The following LARGE1 variants were observed in gnomAD, a reference collection of about 807,000 sequenced individuals.
The protein encoded by LARGE1 is xylosyl- and glucuronyltransferase LARGE1.
In LARGE1, 43 loss-of-function variants were observed where a neutral mutation model predicts 87.6. That is an observed-to-expected ratio of 0.49 (90% confidence interval 0.38 to 0.63). The LOEUF (loss-of-function observed/expected upper bound fraction) is 0.63. Among genes scored for constraint, LARGE1 ranks in the 30% least tolerant of loss-of-function variants. The pLI, the probability that LARGE1 is intolerant of heterozygous loss-of-function variation, is 0.00. For missense variants in LARGE1, 802 were observed against 1,000.2 expected (o/e 0.80, Z 2.67); for synonymous variants, 434 against 394.6 (o/e 1.10, Z -1.18).
At chr22:33,316,058 T>G in intron 11 of LARGE1, 27 bp downstream of exon 11, 1 of 1,612,098 alleles carries the variant, frequency 6.2e-7, no homozygotes, top group Non-Finnish European at 8.5e-7. Context: ...GTGAGGAGAC[T>G]GGGGTGGGTG....
intron 1 of LARGE1, among the ~76,000 whole-genome samples, chr22:33,855,329 G>A (rs950699556): frequency 3.9e-5 from 6 of 152,122 alleles, no homozygotes; most frequent in Admixed American, 6.5e-5. Flanking sequence ...GCGGGACCCC[G>A]TCTCAAAAAA....
intron 2 of LARGE1, among the ~76,000 whole-genome samples, chr22:33,749,843 C>T (rs920457243): frequency 1.3e-5 from 2 of 152,116 alleles, no homozygotes; most frequent in African/African-American, 4.8e-5. Context: ...TTGAGCATAT[C>T]GACTTTGAAA....
intron 1 of LARGE1, among the ~76,000 whole-genome samples, chr22:33,882,034 TG>T (rs199938418): frequency 1.5e-5 from 2 of 136,760 alleles, no homozygotes; most frequent in Non-Finnish European, 1.5e-5. Context: ...TTTTTGTTTT[TG>T]TTTTTTTTTG....
intron 4 of LARGE1, among the ~76,000 whole-genome samples, chr22:33,616,720 CTAAA>C (rs2149035519): frequency 6.6e-6 from 1 of 152,230 alleles, no homozygotes; most frequent in South Asian, 2.1e-4. Flanking sequence ...GTCCAAAAGA[CTAAA>C]TACTGTATGA....
At chr22:33,773,704 G>A (rs1166787275) in intron 1 of LARGE1, among the ~76,000 whole-genome samples, 4 of 152,244 alleles carry the variant, frequency 2.6e-5, no homozygotes, top group Non-Finnish European at 5.9e-5. Context: ...GATACAAGCT[G>A]CAGGAGCCTG....
At chr22:33,681,421 T>C (rs1458496618) in intron 2 of LARGE1, among the ~76,000 whole-genome samples, 7 of 152,300 alleles carry the variant, frequency 4.6e-5, no homozygotes, top group Non-Finnish European at 1.0e-4. Context: ...CCTGTATCCT[T>C]AGGTTCATGA....
intron 2 of LARGE1, among the ~76,000 whole-genome samples, chr22:33,697,303 C>T (rs1462881270): frequency 6.6e-6 from 1 of 152,112 alleles, no homozygotes; most frequent in African/African-American, 2.4e-5. Flanking sequence ...AGGGAGCAGC[C>T]ACCCCATGGC....
chr22:33,725,906 AT>A (rs1168179256), intron 2 of LARGE1: 3 of 152,166 alleles, frequency 2.0e-5, no homozygotes, highest in Non-Finnish European at 2.9e-5. Context: ...CCGCGGAGAC[AT>A]TTGGCAATGT....
At chr22:33,100,005 C>G in the LARGE1 span, among the ~76,000 whole-genome samples, 1 of 152,130 alleles carries the variant, frequency 6.6e-6, no homozygotes, top group African/African-American at 2.4e-5. Flanking sequence ...TCTGTACTGT[C>G]TAAAATGGTA....
At chr22:33,143,459 CAA>C in the LARGE1 span, among the ~76,000 whole-genome samples, 1 of 152,050 alleles carries the variant, frequency 6.6e-6, no homozygotes, top group East Asian at 1.9e-4. Flanking sequence ...AGATGGTCAC[CAA>C]AAGAGCTTCA....
chr22:33,447,710 C>T (rs775046974), intron 6 of LARGE1, among the ~76,000 whole-genome samples: 1 of 152,102 alleles, frequency 6.6e-6, no homozygotes, highest in African/African-American at 2.4e-5. Flanking sequence ...TGCTTCTGGG[C>T]GTGGGGTAAG....
chr22:33,742,739 T>C (rs2083933035), intron 2 of LARGE1, among the ~76,000 whole-genome samples: 2 of 152,248 alleles, frequency 1.3e-5, no homozygotes, highest in Admixed American at 6.5e-5. Flanking sequence ...TTTTTTCCAC[T>C]GGAAATTTTA....
intron 1 of LARGE1, among the ~76,000 whole-genome samples, chr22:33,771,061 C>A (rs1456685437): frequency 2.0e-5 from 3 of 152,154 alleles, no homozygotes; most frequent in African/African-American, 7.2e-5. Context: ...CAATCTCCCA[C>A]AATCCCGTTG....
intron 7 of LARGE1, among the ~76,000 whole-genome samples, chr22:33,394,592 T>C (rs1414355013): frequency 1.3e-5 from 2 of 152,174 alleles, no homozygotes; most frequent in African/African-American, 2.4e-5. Flanking sequence ...ATTACCTCCA[T>C]TTTACAGATG....
At chr22:33,406,458 G>A (rs567883377) in intron 7 of LARGE1, among the ~76,000 whole-genome samples, 19 of 152,136 alleles carry the variant, frequency 1.2e-4, no homozygotes, top group Admixed American at 2.6e-4. Context: ...CTACCACACC[G>A]AGACAGAGTT....
intron 7 of LARGE1, among the ~76,000 whole-genome samples, chr22:33,428,957 AAAAAG>A (rs200690547): frequency 0.37 from 53,305 of 142,860 alleles, 10,504 homozygotes; most frequent in Non-Finnish European, 0.43. Context: ...AAAAAAAAAA[AAAAAG>A]GAGAGAACTG....
intron 11 of LARGE1, among the ~76,000 whole-genome samples, chr22:33,206,873 G>A (rs988572380): frequency 6.6e-6 from 1 of 152,174 alleles, no homozygotes; most frequent in African/African-American, 2.4e-5. Context: ...GCTGCTTCAT[G>A]GCATATTGGG....
At chr22:33,785,190 T>C (rs558209923) in intron 1 of LARGE1, among the ~76,000 whole-genome samples, 4 of 147,986 alleles carry the variant, frequency 2.7e-5, no homozygotes, top group Admixed American at 1.3e-4. Context: ...TGTATATACA[T>C]ATATGTGTAT....
chr22:33,739,107 A>C (rs189669882), intron 2 of LARGE1, among the ~76,000 whole-genome samples: 1 of 152,048 alleles, frequency 6.6e-6, no homozygotes, highest in Admixed American at 6.6e-5. Flanking sequence ...ATGGAATAAC[A>C]GTACATGCCT....
Sources: gnomAD v4.1 joint callset for allele counts (sites outside exome capture counted in the v4.1 genomes callset) on GRCh38, gnomAD v4.1.1 for gene constraint, MANE v1.5 for transcripts, NCBI Gene and HGNC (gene_info 2026-07-23, HGNC 2026-07-21) for gene names.